Variants in CYRIB observed in about 807,000 individuals in gnomAD.
The protein encoded by CYRIB is CYFIP related Rac1 interactor B, also known as CYFIP-related Rac1 interactor B.
CYRIB carries 8 observed loss-of-function variants against 44.2 expected under a neutral mutation model. The ratio of observed to expected loss-of-function variants is 0.18; its 90% confidence interval spans 0.11 to 0.33. The LOEUF is 0.33. CYRIB is among the 10% of genes least tolerant of loss of function. The pLI is 1.00. For missense variants in CYRIB, 185 were observed against 382.8 expected (o/e 0.48, Z 4.31); for synonymous variants, 131 against 127.2 (o/e 1.03, Z -0.20).
intron 7 of CYRIB, among the ~76,000 whole-genome samples, chr8:129,853,284 A>G (rs1245818862): frequency 6.6e-6 from 1 of 152,210 alleles, no homozygotes; most frequent in African/African-American, 2.4e-5. Flanking sequence ...CATGGTAGGT[A>G]TGAAAAAGAC....
chr8:129,949,268 A>C (rs1278253487), intron 2 of CYRIB: 2 of 152,184 alleles, frequency 1.3e-5, no homozygotes, highest in Non-Finnish European at 2.9e-5. Flanking sequence ...TACCACCAAT[A>C]TCTCTGATCA....
At chr8:129,976,865 A>G (rs2132450624) in intron 1 of CYRIB, among the ~76,000 whole-genome samples, 1 of 152,040 alleles carries the variant, frequency 6.6e-6, no homozygotes, top group South Asian at 2.1e-4. Flanking sequence ...ATTGAGACAA[A>G]GAGTCTGGCT....
intron 1 of CYRIB, among the ~76,000 whole-genome samples, chr8:130,010,743 C>G (rs1364620092): frequency 3.3e-5 from 5 of 152,136 alleles, no homozygotes; most frequent in Admixed American, 6.6e-5. Context: ...AACTTGGAAA[C>G]CTCCAGGGTC....
chr8:129,922,553 C>T lies in CYRIB; in HGVS notation c.-50+17055G>A, dbSNP rs192211211. 3.8e-3 allele frequency among the ~76,000 whole-genome samples: 584 copies of T among 152,234 alleles called. 6 individuals carry two copies. The highest frequency in any genetic ancestry group is 0.013 in the African/African-American group (559 of 41,534). On this transcript the variant is annotated intron_variant, in intron 1 of 11. Coordinates refer to ENST00000519824, the Ensembl canonical transcript of CYRIB. ...ACACCCAGAAAAAAATGGCAAAACA[C>T]CAAGATCATTTAAAAAATATCTAAT...
At chr8:129,957,254 C>T (rs369599817) in intron 2 of CYRIB, among the ~76,000 whole-genome samples, 2 of 152,248 alleles carry the variant, frequency 1.3e-5, no homozygotes, top group South Asian at 4.1e-4. Context: ...TTGCCTGGCC[C>T]AGAGTAAATC....
chr8:129,918,160 AT>A, intron 1 of CYRIB, among the ~76,000 whole-genome samples: 1 of 152,298 alleles, frequency 6.6e-6, no homozygotes, highest in East Asian at 1.9e-4. Flanking sequence ...GCAGATTCTT[AT>A]TCACCAAGCC....
intron 2 of CYRIB, among the ~76,000 whole-genome samples, chr8:129,953,921 G>A (rs1030595805): frequency 2.0e-5 from 3 of 152,180 alleles, no homozygotes; most frequent in Non-Finnish European, 4.4e-5. Context: ...CTAAAAGTCC[G>A]AAAGAGCTTA....
At chr8:129,994,661 G>A (rs1005263632) in intron 1 of CYRIB, among the ~76,000 whole-genome samples, 2 of 152,236 alleles carry the variant, frequency 1.3e-5, no homozygotes, top group African/African-American at 4.8e-5. Flanking sequence ...CCTTGCTACA[G>A]CCTGGCGGTA....
chr8:129,903,630 C>G (rs1277887714), intron 1 of CYRIB, among the ~76,000 whole-genome samples: 1 of 152,060 alleles, frequency 6.6e-6, no homozygotes, highest in Non-Finnish European at 1.5e-5. Context: ...TGTACGAAGA[C>G]AAGTACACAA....
At chr8:129,953,491 C>T (rs755569555) in intron 2 of CYRIB, among the ~76,000 whole-genome samples, 5 of 152,190 alleles carry the variant, frequency 3.3e-5, no homozygotes, top group African/African-American at 4.8e-5. Context: ...CCCCTGTGCA[C>T]GTGCTCTCAA....
chr8:129,873,153 C>T (rs1174450478), intron 3 of CYRIB, among the ~76,000 whole-genome samples: 4 of 152,038 alleles, frequency 2.6e-5, no homozygotes, highest in African/African-American at 9.6e-5. Flanking sequence ...AATGTGTTTA[C>T]ATATCTGTTC....
chr8:129,995,885 T>C (rs1317908986), intron 1 of CYRIB, among the ~76,000 whole-genome samples: 3 of 152,180 alleles, frequency 2.0e-5, no homozygotes, highest in South Asian at 4.1e-4. Flanking sequence ...GATGTCAACA[T>C]GGTAGATGGC....
chr8:129,901,430 TG>T (rs1234443677), intron 2 of CYRIB: 1 of 152,234 alleles, frequency 6.6e-6, no homozygotes, highest in African/African-American at 2.4e-5. Flanking sequence ...TTGGCCAGGC[TG>T]GTCTCAAACT....
chr8:129,920,103 A>T (rs1589773925), intron 1 of CYRIB, among the ~76,000 whole-genome samples: 1 of 152,218 alleles, frequency 6.6e-6, no homozygotes, highest in East Asian at 1.9e-4. Context: ...CAAAAAAAAA[A>T]AAAAAAGTAC....
intron 7 of CYRIB, among the ~76,000 whole-genome samples, chr8:129,852,984 T>A (rs1258088803): frequency 6.6e-6 from 1 of 152,194 alleles, no homozygotes; most frequent in Non-Finnish European, 1.5e-5. Flanking sequence ...GGGCAGATTG[T>A]ACCAAAATGG....
chr8:129,875,469 C>T (rs1424559106), intron 3 of CYRIB, among the ~76,000 whole-genome samples: 2 of 152,006 alleles, frequency 1.3e-5, no homozygotes, highest in African/African-American at 2.4e-5. Context: ...CTGTGGCCTC[C>T]CAAAGTGCTG....
chr8:129,862,172 G>T, intron 5 of CYRIB, 57 bp downstream of exon 7: 1 of 1,272,764 alleles, frequency 7.9e-7, no homozygotes, highest in Non-Finnish European at 1.1e-6. Flanking sequence ...TAAACTTCTG[G>T]AATGAATAAA....
intron 1 of CYRIB, among the ~76,000 whole-genome samples, chr8:130,007,287 C>T (rs2097124435): frequency 1.3e-5 from 2 of 152,278 alleles, no homozygotes; most frequent in South Asian, 2.1e-4. Context: ...CAACTCCATT[C>T]ATAGACTTTT....
At chr8:129,997,079 AGGG>A (rs2096787143) in intron 1 of CYRIB, among the ~76,000 whole-genome samples, 3 of 96,132 alleles carry the variant, frequency 3.1e-5, no homozygotes, top group Admixed American at 1.2e-4. Context: ...GGAGGGAGGG[AGGG>A]AGGGAAGGAG....
Sources: allele counts gnomAD v4.1 joint callset (sites outside exome capture counted in the v4.1 genomes callset), GRCh38; gene constraint gnomAD v4.1.1; transcripts MANE v1.5; gene names NCBI Gene and HGNC (gene_info 2026-07-23, HGNC 2026-07-21).